Variants in ZNF618 observed in about 807,000 individuals in gnomAD.
ZNF618 encodes zinc finger protein 618.
Under a neutral mutation model 103.0 loss-of-function variants are expected in ZNF618, and 34 were observed. The ratio of observed to expected loss-of-function variants is 0.33; its 90% CI spans 0.25 to 0.44. The LOEUF is 0.44. Ranked by LOEUF, ZNF618 falls within the 20% of genes least tolerant of loss-of-function variation. The pLI is 1.00. For synonymous variants in ZNF618, 551 were observed against 542.2 expected (o/e 1.02, Z -0.23); for missense variants, 1,059 against 1,295.4 (o/e 0.82, Z 2.80).
In ZNF618 at chr9:114,042,881, T is replaced by A. The variant is rs372633585; in HGVS notation, c.1247-5012T>A. On this transcript the variant is annotated intron_variant, in intron 13 of 14. Coordinates refer to ENST00000374126, the MANE Select transcript of ZNF618 (RefSeq NM_001318042.2). ...ACCCAGAAAGTTCCTTCATGCCCCT[T>A]TGCAGTCATTCCCTTTCTCCTACCC... Among the ~76,000 whole-genome samples the A allele has an allele frequency of 2.3e-4, 35 of 152,304 alleles. No individual in the cohort carries two copies. The South Asian group carries it at 4.6e-3, about 20-fold the overall frequency.
intron 8 of ZNF618, 38 bp from the exon 9 acceptor site, chr9:114,008,439 G>A: frequency 6.2e-7 from 1 of 1,613,616 alleles, no homozygotes; most frequent in Non-Finnish European, 8.5e-7. Context: ...CTGAGACCTG[G>A]GGGACCAGGG....
chr9:113,937,474 G>GT (rs1554728975), intron 1 of ZNF618, among the ~76,000 whole-genome samples: 1 of 152,186 alleles, frequency 6.6e-6, no homozygotes, highest in African/African-American at 2.4e-5. Flanking sequence ...ATATTCCTAT[G>GT]TTTTTTATAG....
At chr9:114,014,361 A>G (rs1842490479) in intron 9 of ZNF618, among the ~76,000 whole-genome samples, 1 of 152,238 alleles carries the variant, frequency 6.6e-6, no homozygotes, top group African/African-American at 2.4e-5. Context: ...CTACTTCCAG[A>G]ACTAGATTAA....
chr9:113,984,103 A>G (rs1220991556), intron 2 of ZNF618, among the ~76,000 whole-genome samples: 1 of 152,210 alleles, frequency 6.6e-6, no homozygotes, highest in African/African-American at 2.4e-5. Flanking sequence ...GAGCCAGTGT[A>G]CAAAGCATTT....
At chr9:113,907,338 C>T (rs1478548367) in intron 1 of ZNF618, among the ~76,000 whole-genome samples, 1 of 152,230 alleles carries the variant, frequency 6.6e-6, no homozygotes, top group Non-Finnish European at 1.5e-5. Context: ...AGAGCAAGCT[C>T]ACCCACTCTG....
chr9:113,905,049 A>G (rs572931889), intron 1 of ZNF618, among the ~76,000 whole-genome samples: 3 of 151,892 alleles, frequency 2.0e-5, no homozygotes, highest in African/African-American at 4.8e-5. Context: ...TGCCTATCAC[A>G]GTCATTAAAT....
intron 1 of ZNF618, among the ~76,000 whole-genome samples, chr9:113,951,519 A>ATATGTGTACATG (rs1215942538): frequency 1.6e-5 from 1 of 62,596 alleles, no homozygotes; most frequent in Non-Finnish European, 3.2e-5. Flanking sequence ...ATGTGTGTAT[A>ATATGTGTACATG]TGTACACATA....
intron 1 of ZNF618, among the ~76,000 whole-genome samples, chr9:113,884,114 T>C (rs1484976054): frequency 6.6e-6 from 1 of 151,148 alleles, no homozygotes; most frequent in Non-Finnish European, 1.5e-5. Flanking sequence ...TGCTGTGGCC[T>C]CTCTAAAAGG....
chr9:113,902,888 T>G (rs1270793410), intron 1 of ZNF618, among the ~76,000 whole-genome samples: 1 of 152,202 alleles, frequency 6.6e-6, no homozygotes, highest in African/African-American at 2.4e-5. Flanking sequence ...CTTGTGTACT[T>G]CTCATTTGCC....
In ZNF618 at chr9:113,979,172, C is replaced by A. The variant is rs975811403; in HGVS notation, c.78-9149C>A. On this transcript the variant is annotated intron_variant, in intron 2 of 14. Coordinates refer to ENST00000374126, the MANE Select transcript of ZNF618 (RefSeq NM_001318042.2). The stretch of plus-strand genomic sequence containing the variant: ...GGGCAGATTTGGAGTTCTAACAGGG[C>A]AGGAGCCTGTTAGAAGCAAAGAGGA... Among the ~76,000 whole-genome samples the A allele has an allele frequency of 3.3e-5, 5 of 152,130 alleles. No homozygotes were observed. The East Asian group carries it at 7.7e-4, about 24-fold the overall frequency.
At chr9:113,970,931 G>A (rs959564518) in intron 2 of ZNF618, among the ~76,000 whole-genome samples, 3 of 145,010 alleles carry the variant, frequency 2.1e-5, no homozygotes, top group Non-Finnish European at 4.5e-5. Context: ...CAGGCTCTCA[G>A]TACGTGTTTA....
intron 2 of ZNF618, among the ~76,000 whole-genome samples, chr9:113,981,319 G>T (rs913291030): frequency 1.3e-5 from 2 of 152,274 alleles, no homozygotes; most frequent in East Asian, 3.9e-4. Flanking sequence ...GTCTTGGGAC[G>T]TAGATGTACG....
intron 3 of ZNF618, among the ~76,000 whole-genome samples, chr9:113,991,790 A>G (rs548686326): frequency 4.1e-4 from 63 of 152,270 alleles, no homozygotes; most frequent in Middle Eastern, 6.8e-3. Flanking sequence ...CTTCCCTCCA[A>G]TTCAGGGACT....
At chr9:113,906,142 T>C (rs1408284745) in intron 1 of ZNF618, among the ~76,000 whole-genome samples, 1 of 152,212 alleles carries the variant, frequency 6.6e-6, no homozygotes, top group Non-Finnish European at 1.5e-5. Flanking sequence ...TTTTGGAAGA[T>C]AGCATACCAG....
intron 5 of ZNF618, 85 bp from the exon 6 acceptor site, chr9:114,002,539 C>A (rs908221397): frequency 6.8e-7 from 1 of 1,466,048 alleles, no homozygotes; most frequent in Non-Finnish European, 9.4e-7. Context: ...TCCCCTGTGG[C>A]TTCCATGTTC....
At chr9:113,937,651 C>A (rs1285447708) in intron 1 of ZNF618, among the ~76,000 whole-genome samples, 9 of 152,156 alleles carry the variant, frequency 5.9e-5, no homozygotes, top group Admixed American at 5.2e-4. Context: ...CTGATGTTTC[C>A]TTACAATTAT....
At chr9:113,911,397 C>T (rs1284013531) in intron 1 of ZNF618, among the ~76,000 whole-genome samples, 3 of 152,132 alleles carry the variant, frequency 2.0e-5, no homozygotes, top group Non-Finnish European at 4.4e-5. Flanking sequence ...GGTGCAATCT[C>T]GGCTCACTGC....
chr9:113,894,021 AAAG>A (rs1370979924), intron 1 of ZNF618, among the ~76,000 whole-genome samples: 1 of 152,212 alleles, frequency 6.6e-6, no homozygotes, highest in Non-Finnish European at 1.5e-5. Context: ...GTATGCAAAA[AAAG>A]AGTCATAATA....
In ZNF618 at chr9:113,899,344, T is replaced by A. The variant is rs574891705; in HGVS notation, c.33+22931T>A. On this transcript the variant is annotated intron_variant, in intron 1 of 14. Transcript: ENST00000374126. ...CTGGTAGCCTCCATTCCACTTTCTG[T>A]CTGTGTGACTTAGATCAGGGGTCCC... Among the ~76,000 whole-genome samples, 575 of 152,216 alleles carry A rather than the reference T, an allele frequency of 3.8e-3. 5 individuals carry two copies. Among genetic ancestry groups the A allele is most frequent in the African/African-American group, 0.013 (558 of 41,522 alleles).
Sources: allele counts gnomAD v4.1 joint callset (sites outside exome capture counted in the v4.1 genomes callset), GRCh38; gene constraint gnomAD v4.1.1; transcripts MANE v1.5; gene names NCBI Gene and HGNC (gene_info 2026-07-23, HGNC 2026-07-21).